SVIL: variants seen among roughly 807,000 people sequenced by gnomAD.
SVIL encodes supervillin, also known as archvillin.
SVIL carries 101 observed loss-of-function variants against 240.4 expected under a neutral mutation model. The observed-to-expected ratio is 0.42, with a 90% confidence interval of 0.36 to 0.50. The LOEUF (loss-of-function observed/expected upper bound fraction) is 0.50, where lower values mean the gene tolerates loss of function less well. Among genes scored for constraint, SVIL ranks in the 20% least tolerant of loss-of-function variants. SVIL has a pLI of 0.01. For synonymous variants in SVIL, 999 were observed against 1,100.0 expected, an observed-to-expected ratio of 0.91 and a Z score of 1.82; for missense variants, 2,512 against 2,818.7, an observed-to-expected ratio of 0.89 and a Z score of 2.46.
chr10:29,625,247 A>C (rs1444150580), intron 1 of SVIL, among the ~76,000 whole-genome samples: 1 of 152,226 alleles, frequency 6.6e-6, no homozygotes, highest in Non-Finnish European at 1.5e-5. Flanking sequence ...AGTTTAATAA[A>C]GTTCTGAGAC....
At chr10:29,584,739 C>A (rs541979311) in intron 1 of SVIL, among the ~76,000 whole-genome samples, 28 of 152,272 alleles carry the variant, frequency 1.8e-4, no homozygotes, top group Middle Eastern at 3.4e-3. Flanking sequence ...GTGCTGTGGG[C>A]CCAGCCAGGG....
chr10:29,604,013 G>A (rs1393475223), intron 1 of SVIL, among the ~76,000 whole-genome samples: 3 of 151,974 alleles, frequency 2.0e-5, no homozygotes, highest in African/African-American at 4.8e-5. Flanking sequence ...AAATATTTCC[G>A]CCCCCTTCCC....
intron 1 of SVIL, among the ~76,000 whole-genome samples, chr10:29,581,905 G>A (rs538663421): frequency 2.6e-5 from 4 of 152,342 alleles, no homozygotes; most frequent in African/African-American, 9.6e-5. Context: ...AAATTCTGAT[G>A]CTTGCTACAA....
At chr10:29,585,662 C>G (rs1956136293) in intron 1 of SVIL, among the ~76,000 whole-genome samples, 1 of 151,560 alleles carries the variant, frequency 6.6e-6, no homozygotes, top group Non-Finnish European at 1.5e-5. Context: ...GCTAAAAATA[C>G]ACACACACAC....
chr10:29,707,881 A>C (rs1963000659), intron 1 of SVIL, among the ~76,000 whole-genome samples: 1 of 152,188 alleles, frequency 6.6e-6, no homozygotes, highest in Non-Finnish European at 1.5e-5. Context: ...GGCTTAGAAC[A>C]GTCACATGGC....
intron 1 of SVIL, among the ~76,000 whole-genome samples, chr10:29,729,833 C>CAAA (rs71023507): frequency 9.2e-5 from 3 of 32,520 alleles, no homozygotes; most frequent in Non-Finnish European, 1.5e-4. Flanking sequence ...GACTCCATCT[C>CAAA]AAAAAAAAAA....
At chr10:29,486,058 C>T in intron 26 of SVIL, 27 bp downstream of exon 26, 2 of 1,578,790 alleles carry the variant, frequency 1.3e-6, no homozygotes, top group Non-Finnish European at 1.7e-6. Flanking sequence ...TGGTTTCTCA[C>T]TGAAGGGCAG....
intron 3 of SVIL, among the ~76,000 whole-genome samples, chr10:29,655,454 C>G (rs1958970676): frequency 6.6e-6 from 1 of 152,202 alleles, no homozygotes; most frequent in African/African-American, 2.4e-5. Flanking sequence ...ACCCAGCAAG[C>G]TGCTTATCCC....
rs192081855 is a variant in SVIL, at chr10:29,592,549, G to A, written c.-200-23237C>T. Among the ~76,000 whole-genome samples the A allele has an allele frequency of 5.3e-5, 8 of 152,274 alleles. No homozygotes were observed. The East Asian group carries it at 7.7e-4, about 15-fold the overall frequency. On this transcript the variant is annotated intron_variant, in intron 1 of 37. Transcript: ENST00000355867. ...TCTTCCAGTTAACAGTGAGACCTCCGTAATGGAGGTTTCAATGTCAAGGTG... is the reference window on the plus strand; with the variant it reads ...TCTTCCAGTTAACAGTGAGACCTCCATAATGGAGGTTTCAATGTCAAGGTG...
In SVIL at chr10:29,658,817, G is replaced by A. The variant is rs569071627; in HGVS notation, c.-300-749C>T. Among the ~76,000 whole-genome samples, 5 of 152,170 alleles carry A rather than the reference G, an allele frequency of 3.3e-5. No individual in the cohort carries two copies. In the South Asian group the frequency reaches 1.0e-3, roughly 32 times the overall value. On this transcript the variant is annotated intron_variant, in intron 2 of 35. Transcript: ENST00000375400. ...TGGGAACAGCAGCCTTGCCACAAAG[G>A]GACAACTGAGAAAATAAGAAATGGG... is the stretch of plus-strand genomic sequence containing the variant.
At chr10:29,652,854 A>T (rs1280062878) in intron 3 of SVIL, among the ~76,000 whole-genome samples, 3 of 152,180 alleles carry the variant, frequency 2.0e-5, no homozygotes, top group Non-Finnish European at 4.4e-5. Context: ...AGGACTATCC[A>T]TTCCAATCCT....
chr10:29,535,686 T>C (rs1489695454), intron 7 of SVIL, among the ~76,000 whole-genome samples: 1 of 152,134 alleles, frequency 6.6e-6, no homozygotes, highest in Non-Finnish European at 1.5e-5. Flanking sequence ...TGCTCACTAC[T>C]GCCCCTCACT....
chr10:29,463,684 A>G, intron 34 of SVIL, 49 bp from the exon 35 acceptor site: 1 of 1,598,570 alleles, frequency 6.3e-7, no homozygotes, highest in Non-Finnish European at 8.5e-7. Flanking sequence ...CTTCACGGAC[A>G]CTTCTAGCTC....
intron 1 of SVIL, among the ~76,000 whole-genome samples, chr10:29,620,943 T>A (rs2132911806): frequency 1.3e-5 from 2 of 152,032 alleles, no homozygotes; most frequent in South Asian, 4.2e-4. Context: ...AATAAACTTT[T>A]TAAATTTGAT....
chr10:29,571,983 C>T (rs994183633), intron 1 of SVIL, among the ~76,000 whole-genome samples: 4 of 152,108 alleles, frequency 2.6e-5, no homozygotes, highest in Non-Finnish European at 1.5e-5. Flanking sequence ...GGACACTGTA[C>T]CTGGTGCACA....
intron 34 of SVIL, among the ~76,000 whole-genome samples, chr10:29,464,408 C>T (rs545776443): frequency 5.3e-5 from 8 of 152,270 alleles, no homozygotes; most frequent in African/African-American, 1.9e-4. Context: ...CACTGCACTC[C>T]AGCCTGGATG....
rs147181824 is a variant in SVIL at position 29,543,401 on chromosome 10, C to T, written c.827+7196G>A. 1.8e-3 allele frequency among the ~76,000 whole-genome samples: 280 copies of T among 152,290 alleles called. 1 individual carries two copies. Among genetic ancestry groups the T allele is most frequent in the Non-Finnish European group, 2.5e-3 (167 of 68,022 alleles). On this transcript the variant is annotated intron_variant, in intron 6 of 37. Transcript: ENST00000355867. Reference sequence around the variant, plus strand: ...GCCTACCTATGCTATTGGCAACTCACTTTCATTAATGTCCCCCAAGATTGG... The same window carrying T: ...GCCTACCTATGCTATTGGCAACTCATTTTCATTAATGTCCCCCAAGATTGG...
intron 2 of SVIL, among the ~76,000 whole-genome samples, chr10:29,665,430 T>C (rs995515152): frequency 2.6e-5 from 4 of 152,026 alleles, no homozygotes; most frequent in African/African-American, 9.7e-5. Flanking sequence ...AGGTGCACAT[T>C]TTCATGAAAA....
At chr10:29,723,772 G>C (rs1006548783) in intron 1 of SVIL, among the ~76,000 whole-genome samples, 2 of 152,052 alleles carry the variant, frequency 1.3e-5, no homozygotes, top group African/African-American at 4.8e-5. Context: ...ACTCTCCCTA[G>C]TTGTCCCTAG....
Sources: allele counts gnomAD v4.1 joint callset (sites outside exome capture counted in the v4.1 genomes callset), GRCh38; gene constraint gnomAD v4.1.1; transcripts MANE v1.5; gene names NCBI Gene and HGNC (gene_info 2026-07-23, HGNC 2026-07-21).